ERG: variants seen among roughly 807,000 people sequenced by gnomAD.
ERG encodes the protein transcriptional regulator ERG.
In ERG, 9 loss-of-function variants were observed where a neutral mutation model predicts 55.3. That is an observed-to-expected ratio of 0.16 (90% CI 0.10 to 0.28). The LOEUF (loss-of-function observed/expected upper bound fraction) is 0.28, where lower values mean the gene tolerates loss of function less well. Ranked by LOEUF, ERG falls within the 10% of genes least tolerant of loss-of-function variation. The pLI is 1.00. For synonymous variants in ERG, 223 were observed against 237.3 expected (o/e 0.94, Z 0.55); for missense variants, 434 against 631.6 (o/e 0.69, Z 3.35).
chr21:38,599,957 A>G (rs75458718), intron 1 of ERG, among the ~76,000 whole-genome samples: 3,423 of 152,336 alleles, frequency 0.022, 78 homozygotes, highest in East Asian at 0.093. Context: ...AGCCACATGG[A>G]AATAGGATAG....
At chr21:38,537,432 A>G (rs2059718686) in intron 2 of ERG, among the ~76,000 whole-genome samples, 1 of 47,430 alleles carries the variant, frequency 2.1e-5, no homozygotes, top group South Asian at 9.2e-4. Context: ...ATTAATATCC[A>G]GAAAAAAAAA....
intron 2 of ERG, among the ~76,000 whole-genome samples, chr21:38,507,030 A>G (rs2059466651): frequency 6.6e-6 from 1 of 152,022 alleles, no homozygotes; most frequent in African/African-American, 2.4e-5. Context: ...ACCCTGTAAC[A>G]GTCGTACATT....
chr21:38,542,679 T>C (rs556625560), intron 2 of ERG, among the ~76,000 whole-genome samples: 43 of 152,322 alleles, frequency 2.8e-4, no homozygotes, highest in African/African-American at 1.0e-3. Context: ...GAAATGCATT[T>C]TCACTCTCTT....
rs561300133 is a variant in ERG at position 38,636,603 on chromosome 21, G to A, written c.-150+25055C>T. Among the ~76,000 whole-genome samples, 219 of 152,272 alleles carry A rather than the reference G, an allele frequency of 1.4e-3. 3 individuals carry two copies. The highest frequency in any genetic ancestry group is 0.012 in the South Asian group (58 of 4,822). On this transcript the variant is annotated intron_variant, in intron 1 of 10. Coordinates refer to the ERG transcript ENST00000398910. ...GATGAAAGCTGGAACTATAAAAGCC[G>A]GAGGGAAGCTTTTTCTCATTTCTAA...
Position 38,405,488 on chromosome 21 carries a change from T to C in ERG, c.389-1779A>G, listed in dbSNP as rs74586346. The stretch of plus-strand genomic sequence containing the variant: ...ACTGAAAAACTAGTGATGCCTGGTC[T>C]CCCCTGGGAGAGTCTGCTTCAATTA... On this transcript the variant is annotated intron_variant, in intron 3 of 9. Transcript: ENST00000288319. Among the ~76,000 whole-genome samples the C allele has an allele frequency of 9.0e-3, 1,366 of 152,158 alleles. 20 individuals are homozygous for C. The highest frequency in any genetic ancestry group is 0.045 in the Middle Eastern group (13 of 292).
At chr21:38,451,167 A>G in intron 1 of ERG, 1 of 501,620 alleles carries the variant, frequency 2.0e-6, no homozygotes, top group South Asian at 1.5e-5. Flanking sequence ...CAGAAGAAAG[A>G]TGAAGGGATA....
intron 1 of ERG, among the ~76,000 whole-genome samples, chr21:38,579,268 G>C (rs2146872220): frequency 6.6e-6 from 1 of 152,314 alleles, no homozygotes; most frequent in South Asian, 2.1e-4. Flanking sequence ...ATGAGCAACT[G>C]TTTGAGTCTC....
chr21:38,591,427 G>A (rs1017014853), intron 1 of ERG, among the ~76,000 whole-genome samples: 1 of 152,176 alleles, frequency 6.6e-6, no homozygotes, highest in Non-Finnish European at 1.5e-5. Flanking sequence ...TCAAAGAAAA[G>A]CACTAATGCC....
downstream of ERG, among the ~76,000 whole-genome samples, chr21:38,376,541 C>T (rs1987248575): frequency 6.6e-6 from 1 of 152,222 alleles, no homozygotes; most frequent in African/African-American, 2.4e-5. Context: ...CCATGTTCTT[C>T]CTACTAGGAA....
chr21:38,413,459 T>C (rs1989148085), intron 3 of ERG, among the ~76,000 whole-genome samples: 3 of 152,132 alleles, frequency 2.0e-5, no homozygotes, highest in Admixed American at 2.0e-4. Context: ...ATTTATTAAT[T>C]AATCAATTGT....
At chr21:38,616,533 C>T (rs868572348) in intron 1 of ERG, among the ~76,000 whole-genome samples, 21 of 151,900 alleles carry the variant, frequency 1.4e-4, no homozygotes, top group African/African-American at 4.1e-4. Context: ...CCATGAACAC[C>T]GAGACAGTGC....
At chr21:38,647,332 TG>T (rs1473980470) in intron 1 of ERG, among the ~76,000 whole-genome samples, 8 of 152,206 alleles carry the variant, frequency 5.3e-5, no homozygotes, top group Non-Finnish European at 8.8e-5. Context: ...CAGAATACTT[TG>T]CAAAGTCAAG....
At chr21:38,466,056 A>T (rs1023189177) in intron 1 of ERG, among the ~76,000 whole-genome samples, 2 of 152,148 alleles carry the variant, frequency 1.3e-5, no homozygotes, top group African/African-American at 4.8e-5. Flanking sequence ...ATTTCTGGGG[A>T]CTAGTGATAA....
intron 2 of ERG, among the ~76,000 whole-genome samples, chr21:38,515,423 T>C (rs1036071930): frequency 1.3e-5 from 2 of 151,784 alleles, no homozygotes; most frequent in Admixed American, 6.6e-5. Flanking sequence ...TAAGATTGGA[T>C]AGGAAAAAAA....
At chr21:38,637,294 T>C (rs922020231) in intron 1 of ERG, among the ~76,000 whole-genome samples, 5 of 152,178 alleles carry the variant, frequency 3.3e-5, no homozygotes, top group African/African-American at 4.8e-5. Context: ...ACCTGCGAAT[T>C]GGCAAACGGA....
At chr21:38,617,686 A>G (rs1052272903) in intron 1 of ERG, among the ~76,000 whole-genome samples, 5 of 152,186 alleles carry the variant, frequency 3.3e-5, no homozygotes, top group African/African-American at 1.2e-4. Flanking sequence ...TATTCCAAGT[A>G]CTAACTCAAG....
At chr21:38,401,148 T>C (rs1988471419) in intron 5 of ERG, among the ~76,000 whole-genome samples, 1 of 152,230 alleles carries the variant, frequency 6.6e-6, no homozygotes, top group Non-Finnish European at 1.5e-5. Flanking sequence ...CCAAAACTCA[T>C]GCTGTTAGCT....
At position 38,428,776 on chromosome 21, in the gene ERG, A is replaced by G. The variant is rs1056623499; in HGVS notation, c.237-5215T>C. Among the ~76,000 whole-genome samples the G allele has an allele frequency of 2.0e-5, 3 of 152,214 alleles. No homozygotes were observed. In the South Asian group the frequency reaches 6.2e-4, roughly 31 times the overall value. Reference sequence around the variant, plus strand: ...TCAAACAGATAATCATTTAGTAAATATTAAATGTATCTGTCTTTTTGTTTG... The same window carrying G: ...TCAAACAGATAATCATTTAGTAAATGTTAAATGTATCTGTCTTTTTGTTTG... On this transcript the variant is annotated intron_variant, in intron 2 of 9. Transcript: ENST00000288319.
intron 3 of ERG, among the ~76,000 whole-genome samples, chr21:38,419,737 A>G (rs1989451246): frequency 6.7e-6 from 1 of 149,620 alleles, no homozygotes; most frequent in Non-Finnish European, 1.5e-5. Context: ...GACATTTTCT[A>G]GTTGACACTT....
Sources: gnomAD v4.1 joint callset for allele counts (sites outside exome capture counted in the v4.1 genomes callset) on GRCh38, gnomAD v4.1.1 for gene constraint, MANE v1.5 for transcripts, NCBI Gene and HGNC (gene_info 2026-07-23, HGNC 2026-07-21) for gene names.